Variants in ZNF177 observed in about 807,000 individuals in gnomAD.
ZNF177 encodes the protein zinc finger protein 177.
A neutral mutation model predicts 19.4 loss-of-function variants in ZNF177; 17 were observed. That is an observed-to-expected ratio of 0.87 (90% confidence interval 0.60 to 1.31). The LOEUF is 1.31. Ranked by LOEUF, ZNF177 falls within the 40% of genes most tolerant of loss-of-function variation. The pLI, the probability that ZNF177 is intolerant of heterozygous loss-of-function variation, is 0.00. For synonymous variants in ZNF177, 220 were observed against 188.7 expected (o/e 1.17, Z -1.36); for missense variants, 633 against 561.8 (o/e 1.13, Z -1.28).
chr19:9,370,321 G>A (rs1423103010), intron 2 of ZNF177, among the ~76,000 whole-genome samples: 1 of 151,808 alleles, frequency 6.6e-6, no homozygotes, highest in Non-Finnish European at 1.5e-5. Context: ...TCCCATAGAT[G>A]CTATTTTTTC....
In ZNF177 at chr19:9,379,552, G is replaced by C. The variant is rs201737674; in HGVS notation, c.186G>C (p.Leu62=). 266 of 1,613,800 alleles carry C rather than the reference G, an allele frequency of 1.6e-4. 1 individual carries two copies. The highest frequency in any genetic ancestry group is 2.1e-4 in the Non-Finnish European group (248 of 1,179,928). The change falls in exon 4 of 6, where the codon CTG becomes CTC. Residue 62 remains leucine (L), a synonymous_variant. Transcript: ENST00000589262. ...GGTATCAGCTCTGCAGACACAGTCT[G>C]ATCTCCAAGGTGGATCAAGAACAGC... is the stretch of plus-strand genomic sequence containing the variant.
chr19:9,367,192 C>A (rs1835986), intron 2 of ZNF177, among the ~76,000 whole-genome samples: 1 of 151,800 alleles, frequency 6.6e-6, no homozygotes, highest in Non-Finnish European at 1.5e-5. Context: ...TGGTGGCACG[C>A]GTCTGTAGTC....
At chr19:9,381,770 A>G (rs1221675281) in exon 6 of ZNF177, 20 of 1,593,660 alleles carry the variant, frequency 1.3e-5, no homozygotes, top group Admixed American at 1.8e-5. Context: ...CAGAAACTCC[A>G]TGAATGAAAT....
At chr19:9,379,346 G>A (rs561295455) in intron 3 of ZNF177, among the ~76,000 whole-genome samples, 181 bp from the exon 6 acceptor site, 3 of 152,352 alleles carry the variant, frequency 2.0e-5, no homozygotes, top group Admixed American at 6.5e-5. Context: ...CATATAGGGC[G>A]TGGACCATGC....
chr19:9,368,445 G>C (rs896936673), intron 2 of ZNF177, among the ~76,000 whole-genome samples: 1 of 152,106 alleles, frequency 6.6e-6, no homozygotes, highest in Non-Finnish European at 1.5e-5. Flanking sequence ...TGCAACATTT[G>C]TAGTTGTGTT....
intron 2 of ZNF177, 113 bp downstream of exon 4, chr19:9,378,457 G>A (rs1036098786): frequency 2.1e-5 from 31 of 1,487,296 alleles, no homozygotes; most frequent in Non-Finnish European, 2.5e-5. Flanking sequence ...TTCATCTTCC[G>A]CAGCTCCCAG....
At chr19:9,381,296 G>C (rs993942532) in exon 6 of ZNF177, 11 of 1,613,974 alleles carry the variant, frequency 6.8e-6, no homozygotes, top group Admixed American at 3.3e-5. Flanking sequence ...AAATCCTTTA[G>C]CCAGAGCTCT....
intron 1 of ZNF177, among the ~76,000 whole-genome samples, chr19:9,376,788 AC>A (rs2068115613): frequency 6.6e-6 from 1 of 152,156 alleles, no homozygotes; most frequent in Admixed American, 6.5e-5. Context: ...AATCTTTTAC[AC>A]TAGAGATAAG....
downstream of ZNF177, chr19:9,382,364 G>T (rs2068215319): frequency 7.5e-6 from 3 of 398,868 alleles, no homozygotes; most frequent in Middle Eastern, 6.3e-4. Flanking sequence ...TTTGCCCTTT[G>T]TCTTGTCCCT....
Position 9,378,346 on chromosome 19 carries a change from T to C in ZNF177, c.33+2T>C. The C allele has an allele frequency of 1.2e-6, 2 of 1,613,564 alleles. No homozygotes were observed. Among genetic ancestry groups the C allele is most frequent in the Non-Finnish European group, 1.7e-6 (2 of 1,179,782 alleles). On this transcript the variant is annotated splice_donor_variant, in intron 2 of 5. Transcript: ENST00000589262. LOFTEE classifies it high-confidence loss of function. The stretch of plus-strand genomic sequence containing the variant: ...GGGTGGCTGACAACCTGGTCACAGG[T>C]ACACAAGAAATTTCTCTATTTCCAA...
chr19:9,368,578 G>T (rs756488606), intron 2 of ZNF177, among the ~76,000 whole-genome samples: 1 of 151,920 alleles, frequency 6.6e-6, no homozygotes, highest in African/African-American at 2.4e-5. Context: ...TGCTCTTCCC[G>T]TTCCAGCTGC....
chr19:9,371,395 C>T (rs1355518188), intron 2 of ZNF177, among the ~76,000 whole-genome samples: 1 of 151,982 alleles, frequency 6.6e-6, no homozygotes, highest in East Asian at 1.9e-4. Context: ...CTTAAAATGT[C>T]CCACATCATA....
chr19:9,369,657 A>ATT (rs5827055), intron 2 of ZNF177, among the ~76,000 whole-genome samples: 202 of 151,312 alleles, frequency 1.3e-3, no homozygotes, highest in African/African-American at 4.1e-3. Flanking sequence ...CATTTGACCT[A>ATT]TTTTTTTTGT....
At chr19:9,379,988 T>C in intron 4 of ZNF177, 69 bp from the exon 7 acceptor site, 4 of 1,540,866 alleles carry the variant, frequency 2.6e-6, no homozygotes, top group Non-Finnish European at 3.5e-6. Flanking sequence ...ATCCATAGGG[T>C]CTCCCTCCCT....
chr19:9,378,656 T>C (rs2068145447), intron 2 of ZNF177: 2 of 550,568 alleles, frequency 3.6e-6, no homozygotes, highest in Non-Finnish European at 6.2e-6. Flanking sequence ...CAGTATGCCC[T>C]GTCTATACTG....
chr19:9,374,996 G>T (rs1285521184), upstream of ZNF177, among the ~76,000 whole-genome samples: 1 of 152,046 alleles, frequency 6.6e-6, no homozygotes, highest in Non-Finnish European at 1.5e-5. Flanking sequence ...GGCCTTTACT[G>T]GTGTTGAAGT....
intron 2 of ZNF177, among the ~76,000 whole-genome samples, chr19:9,365,756 C>T (rs2067970359): frequency 6.6e-6 from 1 of 151,858 alleles, no homozygotes; most frequent in Admixed American, 6.6e-5. Context: ...AGGAAAGGAA[C>T]TGAAATTGAG....
At chr19:9,364,701 G>A (rs967645581) in intron 1 of ZNF177, among the ~76,000 whole-genome samples, 161 bp from the exon 2 acceptor site, 6 of 152,232 alleles carry the variant, frequency 3.9e-5, no homozygotes, top group Admixed American at 2.6e-4. Flanking sequence ...TGCTGAAAGG[G>A]GTGTCTTGTA....
At chr19:9,368,880 A>G (rs574049381) in intron 2 of ZNF177, among the ~76,000 whole-genome samples, 118 of 152,138 alleles carry the variant, frequency 7.8e-4, no homozygotes, top group Non-Finnish European at 1.4e-3. Context: ...ATATAGTTCA[A>G]TGTAATCTCG....
Sources: allele counts gnomAD v4.1 joint callset (sites outside exome capture counted in the v4.1 genomes callset), GRCh38; gene constraint gnomAD v4.1.1; transcripts MANE v1.5; gene names NCBI Gene and HGNC (gene_info 2026-07-23, HGNC 2026-07-21).